KCNA2: variants seen among roughly 807,000 people sequenced by gnomAD.
The protein encoded by KCNA2 is potassium channel, voltage gated shaker related subfamily A, member 2.
A neutral mutation model predicts 33.4 loss-of-function variants in KCNA2; 11 were observed. The observed-to-expected ratio is 0.33, with a 90% CI of 0.21 to 0.55. KCNA2 has a LOEUF of 0.55. Ranked by LOEUF, KCNA2 falls within the 20% of genes least tolerant of loss-of-function variation. KCNA2 has a pLI of 0.93. For synonymous variants in KCNA2, 222 were observed against 231.3 expected, an observed-to-expected ratio of 0.96 and a Z score of 0.37; for missense variants, 291 against 621.6, an observed-to-expected ratio of 0.47 and a Z score of 5.66.
At chr1:110,612,613 T>C (rs552878964) in intron 1 of KCNA2, among the ~76,000 whole-genome samples, 42 of 152,320 alleles carry the variant, frequency 2.8e-4, no homozygotes, top group Admixed American at 2.5e-3. Flanking sequence ...CTGTTGGTCC[T>C]GTCTTCAGAC....
Position 110,602,290 on chromosome 1 carries a change from T to C in KCNA2, c.*993A>G. 2.7e-6 allele frequency: 4 copies of C among 1,492,436 alleles called. No homozygotes were observed. In the South Asian group the frequency reaches 5.4e-5, roughly 20 times the overall value. 92.4% of individuals were successfully genotyped at this position (1,492,436 alleles called of 1,614,324 possible). On this transcript the variant is annotated 3_prime_UTR_variant, in exon 3 of 3. Coordinates refer to ENST00000316361, the MANE Select transcript of KCNA2 (RefSeq NM_004974.4). Reference sequence around the variant, plus strand: ...TGCCTTCTGATGGGAAAAAAACCCCTAGTTCAAGACCATTCCAAGCCTATT... The same window carrying C: ...TGCCTTCTGATGGGAAAAAAACCCCCAGTTCAAGACCATTCCAAGCCTATT...
chr1:110,602,763 G>A lies in KCNA2; in HGVS notation c.*520C>T, dbSNP rs184178613. On this transcript the variant is annotated 3_prime_UTR_variant, in exon 3 of 3. Coordinates refer to ENST00000316361, the MANE Select transcript of KCNA2 (RefSeq NM_004974.4). ...TGGCAACTGCAATTCACAAACTCCA[G>A]CCTGTGACACAGAAAGTAATTCCAA... 1.0e-6 allele frequency: 1 copy of A among 991,952 alleles called. No homozygotes were observed. Among genetic ancestry groups the A allele is most frequent in the Admixed American group, 5.8e-5 (1 of 17,190 alleles). The allele number at this position is 991,952 out of a possible 1,614,324, so 61.4% of individuals were successfully genotyped here. A position where few individuals can be genotyped will look rare whatever the true frequency, so the allele number is the denominator to read the frequency against.
At chr1:110,612,048 A>G (rs1418928844) in intron 1 of KCNA2, among the ~76,000 whole-genome samples, 2 of 152,084 alleles carry the variant, frequency 1.3e-5, no homozygotes, top group African/African-American at 4.8e-5. Context: ...ATAAAATAAA[A>G]GAACATGTTA....
rs1649421130 is a variant in KCNA2, at chr1:110,602,905, A to G, written c.*378T>C. ...CTCTGTGAAAGGGCAGGTGGGCTCA[A>G]ATAAGGTGGTGGGATGGTGGGGAGG... is the stretch of plus-strand genomic sequence containing the variant. On this transcript the variant is annotated 3_prime_UTR_variant, in exon 3 of 3. Coordinates refer to ENST00000316361, the MANE Select transcript of KCNA2 (RefSeq NM_004974.4). 1.9e-6 allele frequency: 2 copies of G among 1,038,716 alleles called. No individual in the cohort carries two copies. Among genetic ancestry groups the G allele is most frequent in the South Asian group, 4.1e-5 (1 of 24,512 alleles). 64.3% of individuals were successfully genotyped at this position (1,038,716 alleles called of 1,614,324 possible).
Position 110,598,680 on chromosome 1 carries a change from C to A in KCNA2, c.*4603G>T. On this transcript the variant is annotated 3_prime_UTR_variant, in exon 3 of 3. Transcript: ENST00000316361. ...AATCTAGAGGCACACTCCCGTGGGG[C>A]CCCTTTTAAAAGGCTAACCTCATGG... 1 of 985,294 alleles carries A rather than the reference C, an allele frequency of 1.0e-6. No homozygotes were observed. The highest frequency in any genetic ancestry group is 1.2e-6 in the Non-Finnish European group (1 of 829,912). 61.0% of individuals were successfully genotyped at this position (985,294 alleles called of 1,614,324 possible). A position where few individuals can be genotyped will look rare whatever the true frequency, so the allele number is the denominator to read the frequency against.
intron 1 of KCNA2, among the ~76,000 whole-genome samples, chr1:110,627,788 C>A (rs1239049328): frequency 6.6e-6 from 1 of 151,798 alleles, no homozygotes; most frequent in Non-Finnish European, 1.5e-5. Flanking sequence ...CACGATCCCA[C>A]CACTGCACTC....
chr1:110,620,093 T>TGA (rs35267607), intron 1 of KCNA2, among the ~76,000 whole-genome samples: 12,497 of 119,974 alleles, frequency 0.1, 547 homozygotes, highest in East Asian at 0.22. Context: ...AGAGAGTGAG[T>TGA]GAGAGAGAGA....
At position 110,594,750 on chromosome 1, in the gene KCNA2, T is replaced by C; in HGVS notation, c.*8533A>G. The C allele has an allele frequency of 2.0e-6, 2 of 985,438 alleles. No homozygotes were observed. 61.0% of individuals were successfully genotyped at this position (985,438 alleles called of 1,614,324 possible). ...AGAGCATGTTCAAACCCTCAGGAGC[T>C]GAGACTCACCCCCGCCAAAGCCAGC... is the stretch of plus-strand genomic sequence containing the variant. On this transcript the variant is annotated 3_prime_UTR_variant, in exon 3 of 3. Transcript: ENST00000316361.
At chr1:110,616,249 G>C (rs762819405) in intron 1 of KCNA2, among the ~76,000 whole-genome samples, 1 of 152,170 alleles carries the variant, frequency 6.6e-6, no homozygotes, top group Admixed American at 6.5e-5. Context: ...CCTGGCCCAG[G>C]CTTCACTTCC....
At chr1:110,628,245 T>A (rs1055601002) in intron 1 of KCNA2, among the ~76,000 whole-genome samples, 1 of 152,148 alleles carries the variant, frequency 6.6e-6, no homozygotes, top group East Asian at 1.9e-4. Flanking sequence ...ACTGGGTATA[T>A]CTTGACTGGG....
rs921366643 is a variant in KCNA2 at position 110,595,593 on chromosome 1, C to T, written c.*7690G>A. On this transcript the variant is annotated 3_prime_UTR_variant, in exon 3 of 3. Transcript: ENST00000316361. ...GGTGAGGCTGAGAGAAACTGTCTTC[C>T]ATGGATCTAACACACTAGCAGGCAA... is the stretch of plus-strand genomic sequence containing the variant. The T allele has an allele frequency of 2.6e-5, 26 of 985,306 alleles. No homozygotes were observed. Among genetic ancestry groups the T allele is most frequent in the Non-Finnish European group, 2.9e-5 (24 of 829,990 alleles). The allele number at this position is 985,306 out of a possible 1,614,324, so 61.0% of individuals were successfully genotyped here. A position where few individuals can be genotyped will look rare whatever the true frequency, so the allele number is the denominator to read the frequency against.
chr1:110,604,501 T>C lies in KCNA2; in HGVS notation c.282A>G (p.Ser94=), dbSNP rs1649510855. The change falls in exon 3 of 3, where the codon TCA becomes TCG. Residue 94 remains serine, a synonymous_variant. Transcript: ENST00000316361. The surrounding 1 kb of genome is among the most constrained non-coding windows in gnomAD (Gnocchi z 7.6). ...SFDAILYYYQ[S]GGRLRRPVNV... Reference sequence around the variant, plus strand: ...TCACAGGTCGCCTCAATCGGCCCCCTGACTGGTAGTAGTACAAAATGGCAT... The same window carrying C: ...TCACAGGTCGCCTCAATCGGCCCCCCGACTGGTAGTAGTACAAAATGGCAT... 1 of 1,614,228 alleles carries C rather than the reference T, an allele frequency of 6.2e-7. No homozygotes were observed. Among genetic ancestry groups the C allele is most frequent in the Non-Finnish European group, 8.5e-7 (1 of 1,180,042 alleles).
At chr1:110,608,806 G>A (rs1649767045), upstream of KCNA2, among the ~76,000 whole-genome samples, 1 of 152,210 alleles carries the variant, frequency 6.6e-6, no homozygotes, top group African/African-American at 2.4e-5. Context: ...CTGGGCACCA[G>A]TGCCCTCCTC....
At chr1:110,616,898 A>G (rs1650085656) in intron 1 of KCNA2, among the ~76,000 whole-genome samples, 1 of 152,228 alleles carries the variant, frequency 6.6e-6, no homozygotes, top group Admixed American at 6.5e-5. Flanking sequence ...TCAACAATTG[A>G]CTCTAACCCA....
chr1:110,607,816 C>G (rs1206033789), upstream of KCNA2: 1 of 152,374 alleles, frequency 6.6e-6, no homozygotes, highest in Non-Finnish European at 1.5e-5. Context: ...CTGCAGACCC[C>G]TTTCTTGCCC....
At position 110,593,978 on chromosome 1, in the gene KCNA2, G is replaced by A. The variant is rs1185328398; in HGVS notation, c.*9305C>T. ...TAGTTAAATGACTCCCAACTCCCAT[G>A]AGTCTTCCCCGCAAGTCCTGCTCCG... On this transcript the variant is annotated 3_prime_UTR_variant, in exon 3 of 3. Coordinates refer to ENST00000316361, the MANE Select transcript of KCNA2 (RefSeq NM_004974.4). The A allele has an allele frequency of 1.3e-6, 2 of 1,548,534 alleles. No homozygotes were observed. The highest frequency in any genetic ancestry group is 1.7e-6 in the Non-Finnish European group (2 of 1,146,160).
Position 110,595,535 on chromosome 1 carries a change from C to A in KCNA2, c.*7748G>T. The A allele has an allele frequency of 1.0e-6, 1 of 985,466 alleles. No homozygotes were observed. The highest frequency in any genetic ancestry group is 1.2e-6 in the Non-Finnish European group (1 of 829,972). The allele number at this position is 985,466 out of a possible 1,614,324, so 61.0% of individuals were successfully genotyped here. A position where few individuals can be genotyped will look rare whatever the true frequency, so the allele number is the denominator to read the frequency against. ...TACAGTGAAAAATCCCTCCCACTCC[C>A]ATCTAGGTAGAAAGCAACAGTCAAA... On this transcript the variant is annotated 3_prime_UTR_variant, in exon 3 of 3. Transcript: ENST00000316361.
In KCNA2 at chr1:110,595,171, G is replaced by A. The variant is rs1167270607; in HGVS notation, c.*8112C>T. 1.0e-6 allele frequency: 1 copy of A among 985,288 alleles called. No individual in the cohort carries two copies. The highest frequency in any genetic ancestry group is 1.2e-6 in the Non-Finnish European group (1 of 829,934). 61.0% of individuals were successfully genotyped at this position (985,288 alleles called of 1,614,324 possible). Reference sequence around the variant, plus strand: ...CACTGCCCTCAATGATCTAGATGTTGCAGTAGCTGTCCACATTATTACATA... The same window carrying A: ...CACTGCCCTCAATGATCTAGATGTTACAGTAGCTGTCCACATTATTACATA... On this transcript the variant is annotated 3_prime_UTR_variant, in exon 3 of 3. Coordinates refer to ENST00000316361, the MANE Select transcript of KCNA2 (RefSeq NM_004974.4).
upstream of KCNA2, among the ~76,000 whole-genome samples, chr1:110,609,785 G>A (rs1244402226): frequency 1.3e-5 from 2 of 152,228 alleles, no homozygotes. Flanking sequence ...GCCCTGAAAA[G>A]TGTCTGTCAG....
Sources: gnomAD v4.1 joint callset for allele counts (sites outside exome capture counted in the v4.1 genomes callset) on GRCh38, gnomAD v4.1.1 for gene constraint, Gnocchi (gnomAD v3.1) non-coding constraint, MANE v1.5 for transcripts, NCBI Gene and HGNC (gene_info 2026-07-23, HGNC 2026-07-21) for gene names.